NDUFAF6: variants seen among roughly 807,000 people sequenced by gnomAD.
NDUFAF6 encodes the protein NADH dehydrogenase (ubiquinone) complex I, assembly factor 6.
A neutral mutation model predicts 40.8 loss-of-function variants in NDUFAF6; 45 were observed. The observed-to-expected ratio is 1.10, with a 90% confidence interval of 0.87 to 1.42. NDUFAF6 has a LOEUF of 1.42. NDUFAF6 is among the 40% of genes most tolerant of loss of function. The pLI, the probability that NDUFAF6 is intolerant of heterozygous loss-of-function variation, is 0.00. For synonymous variants in NDUFAF6, 185 were observed against 155.9 expected (o/e 1.19, Z -1.39); for missense variants, 435 against 418.5 (o/e 1.04, Z -0.34).
intron 2 of NDUFAF6, among the ~76,000 whole-genome samples, chr8:94,986,560 AT>A (rs1365566187): frequency 2.0e-5 from 3 of 152,230 alleles, no homozygotes; most frequent in African/African-American, 7.2e-5. Flanking sequence ...GTCAATTTCC[AT>A]AAATAGCTTA....
At chr8:95,036,193 T>G (rs1217301321) in intron 3 of NDUFAF6, 1 of 803,364 alleles carries the variant, frequency 1.2e-6, no homozygotes, top group Non-Finnish European at 1.7e-6. Context: ...GCTGTATGGA[T>G]CCCTCACTCA....
At chr8:94,985,612 T>C (rs867033784) in intron 2 of NDUFAF6, among the ~76,000 whole-genome samples, 8 of 130,402 alleles carry the variant, frequency 6.1e-5, no homozygotes, top group African/African-American at 2.3e-4. Context: ...CTCAGCTCAC[T>C]GCAACCTCCG....
In NDUFAF6 at chr8:94,935,128, T is replaced by TATAGATAGATAGATAGATAG. The variant is rs56734843; in HGVS notation, c.-935-10327_-935-10308dup. ...GTAGGTAGGTACATAGGTAGATAGA[T>TATAGATAGATAGATAGATAG]ATAGATAGATAGATAGATAGATAGA... On this transcript the variant is annotated intron_variant, in intron 1 of 14. Coordinates refer to the NDUFAF6 transcript ENST00000396113. Among the ~76,000 whole-genome samples the TATAGATAGATAGATAGATAG allele has an allele frequency of 3.1e-3, 453 of 144,746 alleles. 3 individuals carry two copies. Among genetic ancestry groups the TATAGATAGATAGATAGATAG allele is most frequent in the South Asian group, 5.4e-3 (24 of 4,420 alleles). The allele number at this position is 144,746 out of a possible 152,430, so 95.0% of individuals were successfully genotyped here.
At chr8:94,932,455 C>T (rs1206453388) in intron 1 of NDUFAF6, among the ~76,000 whole-genome samples, 1 of 152,216 alleles carries the variant, frequency 6.6e-6, no homozygotes. Flanking sequence ...CAAAGCTAGC[C>T]TAATTTTGGT....
At chr8:94,962,451 CCTGA>C (rs750612230) in intron 1 of NDUFAF6, among the ~76,000 whole-genome samples, 33 of 152,276 alleles carry the variant, frequency 2.2e-4, no homozygotes, top group Non-Finnish European at 3.8e-4. Context: ...TGCCACCATG[CCTGA>C]CTAACTTTTG....
At chr8:95,075,967 G>A (rs1833010077) in exon 10 of NDUFAF6, 6 of 295,590 alleles carry the variant, frequency 2.0e-5, no homozygotes, top group Non-Finnish European at 3.4e-5. Context: ...GAAGGCTGGT[G>A]GGGTGGACTC....
intron 2 of NDUFAF6, chr8:94,984,256 G>A (rs1424564083): frequency 2.0e-5 from 3 of 152,102 alleles, no homozygotes; most frequent in South Asian, 2.1e-4. Context: ...ATTTTGAGAA[G>A]CAGTTTAAAA....
At chr8:94,909,484 G>A (rs1818620041) in intron 1 of NDUFAF6, among the ~76,000 whole-genome samples, 1 of 150,718 alleles carries the variant, frequency 6.6e-6, no homozygotes, top group Non-Finnish European at 1.5e-5. Flanking sequence ...AAATTAGCCG[G>A]GTGTGGTAGT....
At chr8:94,975,675 A>T (rs1476527221) in intron 1 of NDUFAF6, 1 of 152,256 alleles carries the variant, frequency 6.6e-6, no homozygotes, top group Non-Finnish European at 1.5e-5. Flanking sequence ...GAAGTGAGGC[A>T]TCCGAAGGGA....
chr8:94,984,577 C>T (rs1825685999), intron 2 of NDUFAF6, among the ~76,000 whole-genome samples: 1 of 152,206 alleles, frequency 6.6e-6, no homozygotes, highest in Admixed American at 6.5e-5. Context: ...AATCACCAAA[C>T]TTGTGGAGTC....
intron 4 of NDUFAF6, among the ~76,000 whole-genome samples, chr8:95,109,531 G>T (rs985162243): frequency 1.3e-5 from 2 of 152,126 alleles, no homozygotes; most frequent in Non-Finnish European, 2.9e-5. Context: ...ATGTATAAAT[G>T]CGTGGATTTG....
chr8:94,939,893 C>T, intron 1 of NDUFAF6: 1 of 1,613,890 alleles, frequency 6.2e-7, no homozygotes, highest in Non-Finnish European at 8.5e-7. Flanking sequence ...TTCATCAGTC[C>T]CACGGGTGGC....
intron 3 of NDUFAF6, among the ~76,000 whole-genome samples, chr8:95,039,770 C>T (rs761050894): frequency 1.2e-4 from 18 of 151,784 alleles, no homozygotes; most frequent in African/African-American, 3.9e-4. Flanking sequence ...ACTACAAGCA[C>T]GTACCAGCAA....
intron 1 of NDUFAF6, among the ~76,000 whole-genome samples, chr8:94,915,587 G>C (rs925544789): frequency 6.6e-6 from 1 of 152,222 alleles, no homozygotes. Flanking sequence ...TGTATACCCA[G>C]TATTGGGATT....
intron 1 of NDUFAF6, among the ~76,000 whole-genome samples, chr8:94,897,134 C>T (rs1817676314): frequency 6.6e-6 from 1 of 152,100 alleles, no homozygotes; most frequent in Admixed American, 6.5e-5. Context: ...TGGTGGCCCT[C>T]GTGGTTGAAT....
Position 95,032,137 on chromosome 8 carries a change from A to T in NDUFAF6, c.297+43A>T, listed in dbSNP as rs751831551. On this transcript the variant is annotated intron_variant, in intron 2 of 8. Coordinates refer to ENST00000396124, the MANE Select transcript of NDUFAF6 (RefSeq NM_152416.4). ...TTAAAATATTATTTGCGAAATGGTG[A>T]TATAAGGTGTTTAATGCTGAACAAT... 8.0e-6 allele frequency: 12 copies of T among 1,501,540 alleles called. No individual in the cohort carries two copies. In the Admixed American group the frequency reaches 8.4e-5, roughly 10 times the overall value. The allele number at this position is 1,501,540 out of a possible 1,614,324, so 93.0% of individuals were successfully genotyped here. A position where few individuals can be genotyped will look rare whatever the true frequency, so the allele number is the denominator to read the frequency against.
At chr8:94,899,023 C>G (rs575372443) in intron 1 of NDUFAF6, among the ~76,000 whole-genome samples, 99 of 152,236 alleles carry the variant, frequency 6.5e-4, no homozygotes, top group African/African-American at 2.2e-3. Flanking sequence ...ATGAAACTTG[C>G]TTATCCTTCA....
intron 1 of NDUFAF6, among the ~76,000 whole-genome samples, chr8:94,931,607 C>CATAT (rs1393122525): frequency 1.7e-4 from 25 of 149,716 alleles, no homozygotes; most frequent in Admixed American, 4.6e-4. Flanking sequence ...CACACACACA[C>CATAT]ACATAAAATT....
chr8:95,015,917 A>C (rs528773944), intron 2 of NDUFAF6, among the ~76,000 whole-genome samples: 16 of 151,894 alleles, frequency 1.1e-4, no homozygotes, highest in Middle Eastern at 6.8e-3. Flanking sequence ...AATGAGAAAG[A>C]GAGGAAGAAT....
Sources: gnomAD v4.1 joint callset for allele counts (sites outside exome capture counted in the v4.1 genomes callset) on GRCh38, gnomAD v4.1.1 for gene constraint, MANE v1.5 for transcripts, NCBI Gene and HGNC (gene_info 2026-07-23, HGNC 2026-07-21) for gene names.